KCNIP4: variants seen among roughly 807,000 people sequenced by gnomAD.
KCNIP4 encodes potassium voltage-gated channel interacting protein 4.
A neutral mutation model predicts 34.0 loss-of-function variants in KCNIP4; 12 were observed. The ratio of observed to expected loss-of-function variants is 0.35; its 90% confidence interval spans 0.23 to 0.57. The LOEUF (loss-of-function observed/expected upper bound fraction) is 0.57, where lower values mean the gene tolerates loss of function less well. Among genes scored for constraint, KCNIP4 ranks in the 20% least tolerant of loss-of-function variants. The pLI is 0.83. For synonymous variants in KCNIP4, 124 were observed against 102.2 expected, an observed-to-expected ratio of 1.21 and a Z score of -1.29; for missense variants, 238 against 311.7, an observed-to-expected ratio of 0.76 and a Z score of 1.78.
intron 1 of KCNIP4, among the ~76,000 whole-genome samples, chr4:21,930,795 C>T (rs1313189495): frequency 4.6e-5 from 7 of 152,120 alleles, no homozygotes; most frequent in Non-Finnish European, 1.0e-4. Flanking sequence ...TTCCATGAAA[C>T]TTTGTAGCTG....
chr4:21,466,725 C>T (rs140040718), intron 1 of KCNIP4, among the ~76,000 whole-genome samples: 3 of 152,188 alleles, frequency 2.0e-5, no homozygotes, highest in Non-Finnish European at 2.9e-5. Flanking sequence ...CCCCAGATAA[C>T]GTCTCCTAAT....
chr4:21,049,306 A>T (rs564790775), intron 1 of KCNIP4, among the ~76,000 whole-genome samples: 1 of 152,280 alleles, frequency 6.6e-6, no homozygotes, highest in South Asian at 2.1e-4. Context: ...AGAGATACAT[A>T]GTTACCCTCC....
chr4:21,699,078 G>C (rs1241272170), intron 1 of KCNIP4, among the ~76,000 whole-genome samples: 2 of 152,220 alleles, frequency 1.3e-5, no homozygotes, highest in African/African-American at 2.4e-5. Context: ...CATTTACCAT[G>C]AGTGATGGCA....
At chr4:21,088,060 A>T (rs750763033) in intron 1 of KCNIP4, among the ~76,000 whole-genome samples, 2 of 152,096 alleles carry the variant, frequency 1.3e-5, no homozygotes, top group Non-Finnish European at 2.9e-5. Flanking sequence ...GTCTATTCAA[A>T]TGTGTACTGA....
At chr4:21,500,642 G>T (rs1733240807) in intron 1 of KCNIP4, among the ~76,000 whole-genome samples, 1 of 152,150 alleles carries the variant, frequency 6.6e-6, no homozygotes, top group Non-Finnish European at 1.5e-5. Context: ...CCTAGGAAAT[G>T]AAGGGTACAT....
chr4:21,633,139 A>C lies in KCNIP4; in HGVS notation c.61+315432T>G, dbSNP rs115939446. ...CTCACAAAAATCTTCTAAAGTTATA[A>C]GTTTATTGCACCCATTTACATAGAA... On this transcript the variant is annotated intron_variant, in intron 1 of 8. Transcript: ENST00000382152. Among the ~76,000 whole-genome samples the C allele has an allele frequency of 3.0e-3, 457 of 152,286 alleles. 3 individuals are homozygous for C. Among genetic ancestry groups the C allele is most frequent in the African/African-American group, 0.011 (439 of 41,576 alleles).
chr4:21,564,567 G>A (rs1457404405), intron 1 of KCNIP4, among the ~76,000 whole-genome samples: 1 of 152,102 alleles, frequency 6.6e-6, no homozygotes, highest in African/African-American at 2.4e-5. Context: ...GTGTTTCTAA[G>A]AGCATAGCTA....
intron 3 of KCNIP4, among the ~76,000 whole-genome samples, chr4:20,765,814 G>C (rs550895984): frequency 1.3e-5 from 2 of 152,264 alleles, no homozygotes; most frequent in South Asian, 4.1e-4. Flanking sequence ...TTTGTCTGTT[G>C]GTGAAGAAAC....
At chr4:21,008,618 G>C (rs1307716167) in intron 1 of KCNIP4, among the ~76,000 whole-genome samples, 3 of 151,858 alleles carry the variant, frequency 2.0e-5, no homozygotes, top group South Asian at 4.2e-4. Flanking sequence ...CCGCCTCCCG[G>C]GTTCACGCCA....
intron 1 of KCNIP4, among the ~76,000 whole-genome samples, chr4:21,269,270 T>C (rs1365424283): frequency 6.6e-6 from 1 of 152,202 alleles, no homozygotes; most frequent in Non-Finnish European, 1.5e-5. Flanking sequence ...AATTAGGATA[T>C]CTAATAGACA....
At chr4:21,284,348 G>C (rs1762970932) in intron 1 of KCNIP4, among the ~76,000 whole-genome samples, 2 of 152,204 alleles carry the variant, frequency 1.3e-5, no homozygotes, top group South Asian at 4.1e-4. Flanking sequence ...ATAAGCAAGA[G>C]CAGCCGCCTT....
intron 1 of KCNIP4, among the ~76,000 whole-genome samples, chr4:21,336,101 G>T (rs146099864): frequency 1.5e-3 from 222 of 152,174 alleles, no homozygotes; most frequent in African/African-American, 5.1e-3. Context: ...CAAACTATAT[G>T]TATTATTTAT....
At chr4:21,855,154 A>G (rs1042319637) in intron 1 of KCNIP4, among the ~76,000 whole-genome samples, 8 of 152,196 alleles carry the variant, frequency 5.3e-5, no homozygotes, top group African/African-American at 1.9e-4. Context: ...AGAGCCGTCT[A>G]TTGTTCAATT....
chr4:21,509,796 G>T (rs1237388016), intron 1 of KCNIP4, among the ~76,000 whole-genome samples: 3 of 152,010 alleles, frequency 2.0e-5, no homozygotes, highest in African/African-American at 7.2e-5. Flanking sequence ...ATTGCTGTTA[G>T]ACTGTAAATA....
Position 21,534,186 on chromosome 4 carries a change from G to C in KCNIP4, c.61+414385C>G, listed in dbSNP as rs539378534. Reference sequence around the variant, plus strand: ...CACATAAAACATAGCATAGCAATGTGTATAAAGTACACATATATCAAATGT... The same window carrying C: ...CACATAAAACATAGCATAGCAATGTCTATAAAGTACACATATATCAAATGT... On this transcript the variant is annotated intron_variant, in intron 1 of 8. Transcript: ENST00000382152. 7.2e-5 allele frequency among the ~76,000 whole-genome samples: 11 copies of C among 152,250 alleles called. No individual in the cohort carries two copies. The South Asian group carries it at 2.1e-3, about 29-fold the overall frequency.
chr4:21,105,299 A>C (rs1022014600), intron 1 of KCNIP4, among the ~76,000 whole-genome samples: 1 of 151,554 alleles, frequency 6.6e-6, no homozygotes, highest in Non-Finnish European at 1.5e-5. Flanking sequence ...TTCTCCTTGA[A>C]GAGGTCCTTC....
intron 1 of KCNIP4, among the ~76,000 whole-genome samples, chr4:21,361,804 A>G (rs1719254661): frequency 6.6e-6 from 1 of 152,150 alleles, no homozygotes; most frequent in Admixed American, 6.6e-5. Flanking sequence ...AACAGCATAC[A>G]GCATACATAT....
chr4:21,878,231 A>G (rs1726252165), intron 1 of KCNIP4, among the ~76,000 whole-genome samples: 1 of 151,978 alleles, frequency 6.6e-6, no homozygotes, highest in Non-Finnish European at 1.5e-5. Context: ...ACACACCACC[A>G]CGCACAGCTA....
intron 1 of KCNIP4, among the ~76,000 whole-genome samples, chr4:20,926,700 G>A (rs927374772): frequency 6.6e-6 from 1 of 152,134 alleles, no homozygotes; most frequent in Non-Finnish European, 1.5e-5. Context: ...CACTTGTGGG[G>A]CACTGGAGCT....
Sources: gnomAD v4.1 joint callset for allele counts (sites outside exome capture counted in the v4.1 genomes callset) on GRCh38, gnomAD v4.1.1 for gene constraint, MANE v1.5 for transcripts, NCBI Gene and HGNC (gene_info 2026-07-23, HGNC 2026-07-21) for gene names.